Variants in ZSCAN18 observed in about 807,000 individuals in gnomAD.
ZSCAN18 encodes zinc finger and SCAN domain containing 18, also known as zinc finger and SCAN domain-containing protein 18.
A neutral mutation model predicts 31.1 loss-of-function variants in ZSCAN18; 16 were observed. The ratio of observed to expected loss-of-function variants is 0.51; its 90% confidence interval spans 0.35 to 0.78. ZSCAN18 has a LOEUF of 0.78. Ranked by LOEUF, ZSCAN18 falls within the 30% of genes least tolerant of loss-of-function variation. ZSCAN18 has a pLI of 0.01. For missense variants in ZSCAN18, 731 were observed against 697.4 expected (o/e 1.05, Z -0.54); for synonymous variants, 375 against 320.7 (o/e 1.17, Z -1.81).
chr19:58,084,466 A>AGAC lies in ZSCAN18; in HGVS notation c.*218_*219insGTC. The AGAC allele has an allele frequency of 2.2e-6, 1 of 464,974 alleles. No individual in the cohort carries two copies. The allele number at this position is 464,974 out of a possible 1,614,324, so 28.8% of individuals were successfully genotyped here. ...TTCCACATCCGGCGGCTCCCCTCGG[A>AGAC]TGCGAGCGCTGGCCCAGGGTGTGTT... On this transcript the variant is annotated 3_prime_UTR_variant, in exon 7 of 7. Coordinates refer to ENST00000601144, the MANE Select transcript of ZSCAN18 (RefSeq NM_001145543.2). This position sits in a 1 kb window ranked among gnomAD's most constrained non-coding sequence, Gnocchi z 4.5.
Position 58,112,950 on chromosome 19 carries a change from CAAAAAA to C in ZSCAN18, c.130+5311_130+5316del, listed in dbSNP as rs55721042. 2.2e-4 allele frequency among the ~76,000 whole-genome samples: 15 copies of C among 69,486 alleles called. No homozygotes were observed. The East Asian group carries it at 3.0e-3, about 14-fold the overall frequency. 45.6% of individuals were successfully genotyped at this position (69,486 alleles called of 152,430 possible). On this transcript the variant is annotated intron_variant, in intron 1 of 1. Transcript: ENST00000595721. ...TGGGCGATAAAGCAAGGCTCCGTTT[CAAAAAA>C]AAAAAAAAAAAAAGAATTTAAAGGG...
intron 1 of ZSCAN18, among the ~76,000 whole-genome samples, chr19:58,104,485 G>A (rs1449634179): frequency 6.6e-6 from 1 of 151,888 alleles, no homozygotes; most frequent in Non-Finnish European, 1.5e-5. Flanking sequence ...GATCACCTGA[G>A]GTCAGGAGTT....
Position 58,084,656 on chromosome 19 carries a change from G to A in ZSCAN18, c.*29C>T. On this transcript the variant is annotated 3_prime_UTR_variant, in exon 7 of 7. Coordinates refer to ENST00000601144, the MANE Select transcript of ZSCAN18 (RefSeq NM_001145543.2). The surrounding 1 kb of genome is among the most constrained non-coding windows in gnomAD (Gnocchi z 4.5). ...TCTGGGATTCACGGCCGGCAAAGCG[G>A]CCCCTCCGGAACGGGACAGCACAGC... The A allele has an allele frequency of 1.4e-6, 2 of 1,444,346 alleles. No homozygotes were observed. Among genetic ancestry groups the A allele is most frequent in the Non-Finnish European group, 1.8e-6 (2 of 1,105,092 alleles). 89.5% of individuals were successfully genotyped at this position (1,444,346 alleles called of 1,614,324 possible).
intron 3 of ZSCAN18, chr19:58,088,345 G>C: frequency 4.8e-6 from 1 of 208,796 alleles, no homozygotes; most frequent in Admixed American, 5.1e-5. Context: ...CCCTGATTAT[G>C]CATGTGTGAT....
Position 58,085,200 on chromosome 19 carries a change from C to A in ZSCAN18, c.1018G>T (p.Asp340Tyr). 1 of 1,609,584 alleles carries A rather than the reference C, an allele frequency of 6.2e-7. No homozygotes were observed. The highest frequency in any genetic ancestry group is 1.1e-5 in the South Asian group (1 of 90,986). ...CCGGTGGCAGAGTCGGACTCCGCGT[C>A]CTGGGGGTCCTGCGGGTCCGGGGCC... ...GKAPDPQDPQ[D>Y]AESDSATGSQ... Residue 340 changes from aspartate (D) to tyrosine (Y), a missense_variant, in exon 7 of 7, where the codon GAC (aspartate) becomes TAC (tyrosine). Asp to Tyr is a radical substitution (Grantham distance 160, BLOSUM62 -3). Coordinates refer to ENST00000601144, the MANE Select transcript of ZSCAN18 (RefSeq NM_001145543.2).
At chr19:58,086,703 C>T in intron 5 of ZSCAN18, 1 of 559,180 alleles carries the variant, frequency 1.8e-6, no homozygotes, top group South Asian at 2.4e-5. Flanking sequence ...GTCCTACAGG[C>T]AGGGCCTGGG....
intron 1 of ZSCAN18, among the ~76,000 whole-genome samples, chr19:58,094,453 G>A (rs1466841940): frequency 6.6e-6 from 1 of 151,768 alleles, no homozygotes; most frequent in Non-Finnish European, 1.5e-5. Flanking sequence ...CATCCTCCAG[G>A]AACAGAGAAT....
intron 1 of ZSCAN18, chr19:58,108,940 T>C: frequency 9.3e-7 from 1 of 1,076,944 alleles, no homozygotes; most frequent in Non-Finnish European, 1.1e-6. Context: ...AATTTGACCG[T>C]TAGAGCCTTT....
At chr19:58,112,377 G>A (rs898683991) in intron 1 of ZSCAN18, among the ~76,000 whole-genome samples, 14 of 152,140 alleles carry the variant, frequency 9.2e-5, no homozygotes, top group African/African-American at 3.1e-4. Context: ...AAGGCTGGGC[G>A]TGGTGGCTCA....
At chr19:58,103,113 C>T (rs1054407644), upstream of ZSCAN18, among the ~76,000 whole-genome samples, 4 of 136,060 alleles carry the variant, frequency 2.9e-5, no homozygotes, top group Non-Finnish European at 6.6e-5. Context: ...CACAGCGAGA[C>T]TCTCTCTAAA....
rs1386576565 is a variant in ZSCAN18, at chr19:58,084,606, G to A, written c.*79C>T. On this transcript the variant is annotated 3_prime_UTR_variant, in exon 7 of 7. Coordinates refer to ENST00000601144, the MANE Select transcript of ZSCAN18 (RefSeq NM_001145543.2). This position sits in a 1 kb window ranked among gnomAD's most constrained non-coding sequence, Gnocchi z 4.5. ...AACACCACAGGAAGCCGCCACCCAG[G>A]GGCGTGGAAAGGCCCAATGCCTCGT... The A allele has an allele frequency of 9.8e-6, 13 of 1,327,748 alleles. No individual in the cohort carries two copies. Among genetic ancestry groups the A allele is most frequent in the Non-Finnish European group, 1.2e-5 (12 of 1,009,744 alleles). 82.2% of individuals were successfully genotyped at this position (1,327,748 alleles called of 1,614,324 possible).
At chr19:58,115,201 G>A (rs1375666592) in intron 1 of ZSCAN18, among the ~76,000 whole-genome samples, 2 of 152,214 alleles carry the variant, frequency 1.3e-5, no homozygotes, top group African/African-American at 4.8e-5. Context: ...GTGGTTGGCA[G>A]CTGATCCAAG....
intron 1 of ZSCAN18, chr19:58,118,251 G>A (rs912805368): frequency 1.5e-6 from 2 of 1,321,006 alleles, no homozygotes; most frequent in South Asian, 1.5e-5. Flanking sequence ...AGCCGCTCTG[G>A]AGTCCTTGAC....
At chr19:58,093,698 G>C (rs959681949) in intron 1 of ZSCAN18, among the ~76,000 whole-genome samples, 12 of 152,122 alleles carry the variant, frequency 7.9e-5, no homozygotes, top group Non-Finnish European at 1.3e-4. Flanking sequence ...CCCATCTGTG[G>C]CTTGTCTTTT....
chr19:58,112,720 G>C (rs572700434), intron 1 of ZSCAN18, among the ~76,000 whole-genome samples: 73 of 151,450 alleles, frequency 4.8e-4, no homozygotes, highest in African/African-American at 1.6e-3. Flanking sequence ...GAGGCCGAGG[G>C]GGGCAGATCA....
chr19:58,098,298 T>A (rs2074560837), upstream of ZSCAN18: 2 of 985,456 alleles, frequency 2.0e-6, no homozygotes, highest in South Asian at 4.7e-5. Flanking sequence ...GCCGCGAGGC[T>A]GTGCCGCGCA....
intron 1 of ZSCAN18, chr19:58,109,230 T>C (rs753796890): frequency 9.3e-5 from 115 of 1,231,712 alleles, no homozygotes; most frequent in Middle Eastern, 6.2e-4. Flanking sequence ...AACCTTTTTA[T>C]TTTCACCAAA....
chr19:58,103,288 C>A (rs1362068199), intron 1 of ZSCAN18, among the ~76,000 whole-genome samples: 1 of 152,074 alleles, frequency 6.6e-6, no homozygotes, highest in Non-Finnish European at 1.5e-5. Flanking sequence ...TAGGCATTAC[C>A]TTGTTTTCTT....
rs2074493997 is a variant in ZSCAN18 at position 58,095,020 on chromosome 19, G to C, written c.-120+3154C>G. Among the ~76,000 whole-genome samples the C allele has an allele frequency of 2.0e-5, 3 of 152,014 alleles. No homozygotes were observed. In the South Asian group the frequency reaches 6.2e-4, roughly 32 times the overall value. On this transcript the variant is annotated intron_variant, in intron 1 of 6. Coordinates refer to ENST00000601144, the MANE Select transcript of ZSCAN18 (RefSeq NM_001145543.2). ...TGCAGTGAGCTATGTTTGTGCCACT[G>C]TACTCCAGCATAAGCGACACAGCAA... is the stretch of plus-strand genomic sequence containing the variant.
Sources: gnomAD v4.1 joint callset for allele counts (sites outside exome capture counted in the v4.1 genomes callset) on GRCh38, gnomAD v4.1.1 for gene constraint, Gnocchi (gnomAD v3.1) non-coding constraint, MANE v1.5 for transcripts, NCBI Gene and HGNC (gene_info 2026-07-23, HGNC 2026-07-21) for gene names.